Variants in C2orf76 observed in about 807,000 individuals in gnomAD.
C2orf76 encodes UPF0538 protein C2orf76.
In C2orf76, 23 loss-of-function variants were observed where a neutral mutation model predicts 16.9. The ratio of observed to expected loss-of-function variants is 1.36; its 90% confidence interval spans 0.98 to 1.93. The LOEUF is 1.93. C2orf76 is among the 30% of genes most tolerant of loss of function. The pLI is 0.00. For synonymous variants in C2orf76, 48 were observed against 52.3 expected (o/e 0.92, Z 0.35); for missense variants, 152 against 152.6 (o/e 1.00, Z 0.02).
At chr2:119,332,118 C>A (rs1173561960) in intron 2 of C2orf76, among the ~76,000 whole-genome samples, 1 of 151,804 alleles carries the variant, frequency 6.6e-6, no homozygotes, top group African/African-American at 2.4e-5. Flanking sequence ...CATTTCAATA[C>A]AAAAATCAAT....
At chr2:119,366,444 C>G in intron 1 of C2orf76, 1 of 471,782 alleles carries the variant, frequency 2.1e-6, no homozygotes, top group Non-Finnish European at 4.4e-6. Flanking sequence ...GCCAAAAGTT[C>G]AGAGGAAGAA....
At chr2:119,301,910 C>A (rs1678629913), downstream of C2orf76, among the ~76,000 whole-genome samples, 2 of 143,154 alleles carry the variant, frequency 1.4e-5, no homozygotes, top group African/African-American at 5.1e-5. Flanking sequence ...GTATAGGCTG[C>A]AATACTTTAA....
rs189535551 is a variant in C2orf76 at position 119,334,637 on chromosome 2, C to T, written c.133+5190G>A. On this transcript the variant is annotated intron_variant, in intron 2 of 5. Coordinates refer to ENST00000334816, the MANE Select transcript of C2orf76 (RefSeq NM_001322331.2). ...TCCGGGAGGTTAAGGCTGCAGTGAGCCGAGATGGTGCCACTGCACTCTAGC... is the reference window on the plus strand; with the variant it reads ...TCCGGGAGGTTAAGGCTGCAGTGAGTCGAGATGGTGCCACTGCACTCTAGC... Among the ~76,000 whole-genome samples, 1,425 of 150,862 alleles carry T rather than the reference C, an allele frequency of 9.4e-3. 12 individuals are homozygous for T. Among genetic ancestry groups the T allele is most frequent in the Admixed American group, 0.016 (241 of 15,136 alleles).
chr2:119,352,015 CT>C (rs1260957955), intron 1 of C2orf76, among the ~76,000 whole-genome samples: 6 of 152,260 alleles, frequency 3.9e-5, no homozygotes, highest in Admixed American at 2.6e-4. Flanking sequence ...ATCTTCTTGA[CT>C]TTTTTGTAAG....
intron 1 of C2orf76, among the ~76,000 whole-genome samples, chr2:119,357,071 G>A (rs1309232245): frequency 3.3e-5 from 5 of 151,436 alleles, no homozygotes; most frequent in Non-Finnish European, 5.9e-5. Flanking sequence ...AGGAAGGAAG[G>A]AAGGAGAAAA....
downstream of C2orf76, among the ~76,000 whole-genome samples, chr2:119,297,429 C>G (rs1678557690): frequency 6.6e-6 from 1 of 152,156 alleles, no homozygotes; most frequent in Admixed American, 6.5e-5. Flanking sequence ...AAAAAAAGGT[C>G]TGAAAGTATG....
intron 5 of C2orf76, among the ~76,000 whole-genome samples, chr2:119,303,101 T>C (rs1678668710): frequency 1.3e-5 from 2 of 152,234 alleles, no homozygotes; most frequent in African/African-American, 2.4e-5. Flanking sequence ...GATTAATTCA[T>C]GCGGCTTCAA....
intron 5 of C2orf76, among the ~76,000 whole-genome samples, chr2:119,306,798 T>G (rs1309213053): frequency 6.6e-6 from 1 of 151,784 alleles, no homozygotes; most frequent in Admixed American, 6.6e-5. Context: ...AAAACTCCAC[T>G]GACGTCAGGT....
At chr2:119,296,656 T>G in the C2orf76 span, among the ~76,000 whole-genome samples, 1 of 152,132 alleles carries the variant, frequency 6.6e-6, no homozygotes, top group South Asian at 2.1e-4. Flanking sequence ...TCACCATCTC[T>G]CCTGCCTGTG....
intron 5 of C2orf76, among the ~76,000 whole-genome samples, chr2:119,309,398 C>CTTTTTTTTTTTT (rs1193022536): frequency 5.6e-5 from 4 of 71,358 alleles, no homozygotes; most frequent in Non-Finnish European, 1.0e-4. Context: ...TTCTCTTTTT[C>CTTTTTTTTTTTT]TTTTTTTTTT....
At chr2:119,309,806 T>C (rs1678923476) in intron 5 of C2orf76, among the ~76,000 whole-genome samples, 1 of 152,214 alleles carries the variant, frequency 6.6e-6, no homozygotes, top group Admixed American at 6.5e-5. Flanking sequence ...TTTACAGTTT[T>C]TAGTTTATAG....
intron 1 of C2orf76, among the ~76,000 whole-genome samples, chr2:119,351,963 T>TA (rs1304782958): frequency 2.0e-5 from 3 of 152,200 alleles, no homozygotes; most frequent in Admixed American, 6.5e-5. Context: ...CTGTACTACC[T>TA]AAAAAACCTG....
At chr2:119,291,087 G>A in the C2orf76 span, among the ~76,000 whole-genome samples, 124 of 152,068 alleles carry the variant, frequency 8.2e-4, 2 homozygotes, top group Non-Finnish European at 1.4e-3. Flanking sequence ...AGGCAAAGGC[G>A]GACAAGTGCA....
intron 1 of C2orf76, among the ~76,000 whole-genome samples, chr2:119,355,432 G>A (rs1423796734): frequency 6.6e-6 from 1 of 152,162 alleles, no homozygotes; most frequent in East Asian, 1.9e-4. Flanking sequence ...CTCACTCCAG[G>A]GTAAGGCTGG....
At chr2:119,318,351 C>T (rs1176827789) in intron 3 of C2orf76, among the ~76,000 whole-genome samples, 1 of 152,084 alleles carries the variant, frequency 6.6e-6, no homozygotes, top group East Asian at 1.9e-4. Context: ...AAAACTCATT[C>T]CTATCAATCA....
chr2:119,288,805 C>G, the C2orf76 span, among the ~76,000 whole-genome samples: 487 of 152,040 alleles, frequency 3.2e-3, 2 homozygotes, highest in African/African-American at 0.011. Context: ...TCAGCTATTC[C>G]CCTCTGAGGA....
the C2orf76 span, among the ~76,000 whole-genome samples, chr2:119,281,661 T>C: frequency 1.3e-5 from 2 of 152,176 alleles, no homozygotes; most frequent in Non-Finnish European, 2.9e-5. Context: ...TAGGAAACCG[T>C]TATTACTGGC....
At chr2:119,292,018 G>C in the C2orf76 span, among the ~76,000 whole-genome samples, 1 of 152,020 alleles carries the variant, frequency 6.6e-6, no homozygotes, top group Non-Finnish European at 1.5e-5. Context: ...CCAACCCCGG[G>C]CTGCCTATGT....
At chr2:119,299,973 G>A (rs1162277719), downstream of C2orf76, among the ~76,000 whole-genome samples, 10 of 151,980 alleles carry the variant, frequency 6.6e-5, no homozygotes, top group African/African-American at 1.7e-4. Context: ...CACTATCCCC[G>A]TCCAGGCATT....
Sources: gnomAD v4.1 joint callset for allele counts (sites outside exome capture counted in the v4.1 genomes callset) on GRCh38, gnomAD v4.1.1 for gene constraint, MANE v1.5 for transcripts, NCBI Gene and HGNC (gene_info 2026-07-23, HGNC 2026-07-21) for gene names.